ARHGAP31: variants seen among roughly 807,000 people sequenced by gnomAD.
ARHGAP31 encodes rho GTPase-activating protein 31.
Under a neutral mutation model 113.9 loss-of-function variants are expected in ARHGAP31, and 34 were observed. The observed-to-expected ratio is 0.30, with a 90% CI of 0.23 to 0.40. The LOEUF is 0.40. Ranked by LOEUF, ARHGAP31 falls within the 10% of genes least tolerant of loss-of-function variation. The pLI is 1.00. For missense variants in ARHGAP31, 1,548 were observed against 1,767.1 expected, an observed-to-expected ratio of 0.88 and a Z score of 2.22; for synonymous variants, 650 against 684.8, an observed-to-expected ratio of 0.95 and a Z score of 0.79.
At chr3:119,368,827 C>T (rs2080271859) in intron 3 of ARHGAP31, among the ~76,000 whole-genome samples, 1 of 152,062 alleles carries the variant, frequency 6.6e-6, no homozygotes, top group Non-Finnish European at 1.5e-5. Context: ...AGTGTCTGGC[C>T]CAAGGTCACA....
At chr3:119,306,373 G>A (rs2079630705) in intron 1 of ARHGAP31, among the ~76,000 whole-genome samples, 1 of 152,058 alleles carries the variant, frequency 6.6e-6, no homozygotes, top group Admixed American at 6.6e-5. Context: ...GGCCAACATG[G>A]TGAAACCCCA....
chr3:119,336,778 A>C (rs1186410919), intron 1 of ARHGAP31, among the ~76,000 whole-genome samples: 1 of 152,198 alleles, frequency 6.6e-6, no homozygotes, highest in African/African-American at 2.4e-5. Context: ...CCTCAAAAGA[A>C]ACCTTATACC....
chr3:119,327,372 C>T (rs1483568357), intron 1 of ARHGAP31, among the ~76,000 whole-genome samples: 10 of 151,478 alleles, frequency 6.6e-5, no homozygotes, highest in Middle Eastern at 3.4e-3. Context: ...GGTGAAACCC[C>T]GTCTCTACTA....
At chr3:119,393,984 C>T (rs2080526465) in intron 8 of ARHGAP31, among the ~76,000 whole-genome samples, 1 of 152,214 alleles carries the variant, frequency 6.6e-6, no homozygotes, top group South Asian at 2.1e-4. Flanking sequence ...TTTCCTTAAC[C>T]TCTGCCAATC....
intron 1 of ARHGAP31, among the ~76,000 whole-genome samples, chr3:119,302,389 A>T (rs1055665122): frequency 1.3e-5 from 2 of 152,192 alleles, no homozygotes; most frequent in Non-Finnish European, 2.9e-5. Flanking sequence ...TTTTTTTGTA[A>T]GAGCAGAGTT....
chr3:119,348,067 G>C (rs548138934), intron 1 of ARHGAP31, among the ~76,000 whole-genome samples: 1 of 152,130 alleles, frequency 6.6e-6, no homozygotes, highest in Non-Finnish European at 1.5e-5. Flanking sequence ...GGTGACTGGC[G>C]GGCGAGCCAG....
Position 119,402,273 on chromosome 3 carries a change from G to A in ARHGAP31, c.1521G>A (p.Thr507=), listed in dbSNP as rs2080618100. Residue 507 remains threonine (T), a synonymous_variant, in exon 10 of 12, where the codon ACG becomes ACA. Coordinates refer to ENST00000264245, the MANE Select transcript of ARHGAP31 (RefSeq NM_020754.4). ...CCGCAGTCATCAGCACCAACAGCAC[G>A]CCGTGCAGAACACCCCCGAAGGAGC... ...RVSAVISTNS[T]PCRTPPKELQ... 6.2e-7 allele frequency: 1 copy of A among 1,614,242 alleles called. No individual in the cohort carries two copies. Among genetic ancestry groups the A allele is most frequent in the Non-Finnish European group, 8.5e-7 (1 of 1,180,054 alleles).
chr3:119,331,199 T>C (rs1242258089), intron 1 of ARHGAP31, among the ~76,000 whole-genome samples: 1 of 152,122 alleles, frequency 6.6e-6, no homozygotes. Flanking sequence ...AGGGTCCCCA[T>C]GCTAAATAAT....
At chr3:119,317,089 T>TG (rs1470551650) in intron 1 of ARHGAP31, among the ~76,000 whole-genome samples, 1 of 152,260 alleles carries the variant, frequency 6.6e-6, no homozygotes, top group African/African-American at 2.4e-5. Flanking sequence ...CGCAAAGCCA[T>TG]GTGTATTTTT....
Position 119,409,482 on chromosome 3 carries a change from C to T in ARHGAP31, c.1646-14C>T. The T allele has an allele frequency of 1.2e-6, 2 of 1,614,012 alleles. No individual in the cohort carries two copies. Among genetic ancestry groups the T allele is most frequent in the South Asian group, 1.1e-5 (1 of 90,966 alleles). On this transcript the variant is annotated splice_polypyrimidine_tract_variant and intron_variant, in intron 10 of 11. Coordinates refer to ENST00000264245, the MANE Select transcript of ARHGAP31 (RefSeq NM_020754.4). ...GAAGTCTCCTTTAACTGATAACTCT[C>T]ATTTTCACTGCAGCTTCTGTACCTA...
intron 1 of ARHGAP31, among the ~76,000 whole-genome samples, chr3:119,295,609 A>G (rs1355369724): frequency 6.6e-6 from 1 of 152,066 alleles, no homozygotes; most frequent in African/African-American, 2.4e-5. Context: ...GCCCTGCAAG[A>G]CCTTTTCCCT....
intron 10 of ARHGAP31, among the ~76,000 whole-genome samples, chr3:119,405,419 G>C (rs1346822725): frequency 6.6e-6 from 1 of 152,130 alleles, no homozygotes; most frequent in Non-Finnish European, 1.5e-5. Context: ...TGTCTGCATG[G>C]TCAGAGTAGG....
chr3:119,331,217 T>C (rs568337220), intron 1 of ARHGAP31, among the ~76,000 whole-genome samples: 7 of 152,176 alleles, frequency 4.6e-5, no homozygotes, highest in African/African-American at 1.7e-4. Flanking sequence ...AATAAAACAT[T>C]GTTTCAGCCC....
chr3:119,390,157 A>AG (rs1331576618), intron 6 of ARHGAP31, among the ~76,000 whole-genome samples: 1 of 152,264 alleles, frequency 6.6e-6, no homozygotes, highest in Non-Finnish European at 1.5e-5. Flanking sequence ...TTTAAAAAAA[A>AG]AAATGCCATA....
intron 5 of ARHGAP31, 23 bp downstream of exon 5, chr3:119,382,422 G>T (rs2080409308): frequency 1.2e-6 from 2 of 1,605,204 alleles, no homozygotes; most frequent in Non-Finnish European, 1.7e-6. Flanking sequence ...CCCTCCCCTT[G>T]TCACCAGCCC....
chr3:119,362,551 G>A lies in ARHGAP31; in HGVS notation c.101-2765G>A, dbSNP rs144201917. Among the ~76,000 whole-genome samples the A allele has an allele frequency of 7.9e-3, 1,197 of 152,074 alleles. 74 individuals are homozygous for A. The highest frequency in any genetic ancestry group is 0.073 in the Admixed American group (1,112 of 15,266). ...GGGAGGCTGAGGCAGGTGGATCACC[G>A]GAGATCAGGAGTTCAAGACTAGCCT... is the stretch of plus-strand genomic sequence containing the variant. On this transcript the variant is annotated intron_variant, in intron 1 of 11. Transcript: ENST00000264245.
At chr3:119,358,602 T>C (rs2107619707) in intron 1 of ARHGAP31, among the ~76,000 whole-genome samples, 1 of 152,310 alleles carries the variant, frequency 6.6e-6, no homozygotes, top group South Asian at 2.1e-4. Context: ...CTCAAATTTC[T>C]ATCAACTGGT....
At position 119,416,430 on chromosome 3, in the gene ARHGAP31, A is replaced by G; in HGVS notation, c.*166A>G. ...CCACTTATTAATTAGTCCATTTGCTAGAAGAGTGGTCAAGGGAAAAACGAG... is the reference window on the plus strand; with the variant it reads ...CCACTTATTAATTAGTCCATTTGCTGGAAGAGTGGTCAAGGGAAAAACGAG... On this transcript the variant is annotated 3_prime_UTR_variant, in exon 12 of 12. Coordinates refer to ENST00000264245, the MANE Select transcript of ARHGAP31 (RefSeq NM_020754.4). 2.0e-6 allele frequency: 2 copies of G among 977,376 alleles called. No homozygotes were observed. The highest frequency in any genetic ancestry group is 3.1e-6 in the Non-Finnish European group (2 of 652,212). 60.5% of individuals were successfully genotyped at this position (977,376 alleles called of 1,614,324 possible). A position where few individuals can be genotyped will look rare whatever the true frequency, so the allele number is the denominator to read the frequency against.
At chr3:119,360,857 T>G (rs2080199765) in intron 1 of ARHGAP31, among the ~76,000 whole-genome samples, 1 of 152,172 alleles carries the variant, frequency 6.6e-6, no homozygotes, top group South Asian at 2.1e-4. Context: ...TAAGAAGCTA[T>G]GATATTATGT....
Sources: gnomAD v4.1 joint callset for allele counts (sites outside exome capture counted in the v4.1 genomes callset) on GRCh38, gnomAD v4.1.1 for gene constraint, MANE v1.5 for transcripts, NCBI Gene and HGNC (gene_info 2026-07-23, HGNC 2026-07-21) for gene names.